The following MARCHF7 variants were observed in gnomAD, a reference collection of about 807,000 sequenced individuals.
MARCHF7 encodes the protein E3 ubiquitin-protein ligase MARCHF7.
A neutral mutation model predicts 76.5 loss-of-function variants in MARCHF7; 20 were observed. That is an observed-to-expected ratio of 0.26 (90% confidence interval 0.18 to 0.38). The LOEUF (loss-of-function observed/expected upper bound fraction) is 0.38, where lower values mean the gene tolerates loss of function less well. Ranked by LOEUF, MARCHF7 falls within the 10% of genes least tolerant of loss-of-function variation. MARCHF7 has a pLI of 1.00. For missense variants in MARCHF7, 797 were observed against 812.9 expected (o/e 0.98, Z 0.24); for synonymous variants, 295 against 293.0 (o/e 1.01, Z -0.07).
intron 9 of MARCHF7, among the ~76,000 whole-genome samples, chr2:159,760,326 G>A (rs1014971313): frequency 3.3e-5 from 5 of 152,040 alleles, no homozygotes; most frequent in African/African-American, 1.2e-4. Context: ...CTGTCTCTAA[G>A]GGATTCCCAG....
chr2:159,756,863 G>A (rs1706391136), intron 8 of MARCHF7, among the ~76,000 whole-genome samples: 1 of 151,770 alleles, frequency 6.6e-6, no homozygotes, highest in Non-Finnish European at 1.5e-5. Flanking sequence ...CCAGGCACAT[G>A]GTAAGTATGC....
At position 159,733,439 on chromosome 2, in the gene MARCHF7, T is replaced by A. The variant is rs1481043794; in HGVS notation, c.153+4264T>A. 59 of 734,612 alleles carry A rather than the reference T, an allele frequency of 8.0e-5. No individual in the cohort carries two copies. In the South Asian group the frequency reaches 2.7e-3, roughly 34 times the overall value. The allele number at this position is 734,612 out of a possible 1,614,324, so 45.5% of individuals were successfully genotyped here. On this transcript the variant is annotated intron_variant, in intron 4 of 11. Coordinates refer to ENST00000409175, the MANE Select transcript of MARCHF7 (RefSeq NM_001282805.2). ...TTTTTGTAGATGTGAAGTCTCACTG[T>A]ATTGACCAGGCTGGTCTCGAACTTA...
intron 3 of MARCHF7, among the ~76,000 whole-genome samples, chr2:159,727,400 A>T (rs1264128251): frequency 1.3e-5 from 2 of 152,224 alleles, no homozygotes; most frequent in East Asian, 3.9e-4. Flanking sequence ...ATCCTGGTTA[A>T]CATGGTGAAA....
chr2:159,735,478 C>T (rs1189396934), intron 4 of MARCHF7, among the ~76,000 whole-genome samples: 1 of 152,210 alleles, frequency 6.6e-6, no homozygotes, highest in Non-Finnish European at 1.5e-5. Context: ...TGCACTGCTC[C>T]TCTAGTCCCT....
intron 8 of MARCHF7, 31 bp from the exon 9 acceptor site, chr2:159,759,195 T>C: frequency 8.0e-7 from 1 of 1,243,708 alleles, no homozygotes; most frequent in Non-Finnish European, 1.2e-6. Context: ...ATTATAAAAC[T>C]AAGCTTTATT....
chr2:159,726,233 T>G (rs200447425), intron 3 of MARCHF7, among the ~76,000 whole-genome samples: 691 of 33,638 alleles, frequency 0.021, 15 homozygotes, highest in Middle Eastern at 0.012. Flanking sequence ...TGTTTTGTTT[T>G]GTTTTGTTTT....
rs4665111 is a variant in MARCHF7 at position 159,734,856 on chromosome 2, A to T, written c.153+5681A>T. Among the ~76,000 whole-genome samples, 1,467 of 151,096 alleles carry T rather than the reference A, an allele frequency of 9.7e-3. 34 individuals are homozygous for T. Among genetic ancestry groups the T allele is most frequent in the East Asian group, 0.04 (207 of 5,152 alleles). On this transcript the variant is annotated intron_variant, in intron 4 of 11. Coordinates refer to ENST00000409175, the MANE Select transcript of MARCHF7 (RefSeq NM_001282805.2). ...AAAAAAGCCAGGCATGGTAGCACAC[A>T]TCTTAGTCCCAGCTACTCAGGAGGC...
intron 3 of MARCHF7, among the ~76,000 whole-genome samples, chr2:159,725,379 CTGGTGTGAGA>C (rs1453481769): frequency 6.6e-6 from 1 of 152,188 alleles, no homozygotes; most frequent in Non-Finnish European, 1.5e-5. Context: ...GCCATTCTAA[CTGGTGTGAGA>C]TGGTGTCTCG....
At position 159,728,915 on chromosome 2, in the gene MARCHF7, T is replaced by A. The variant is rs537150275; in HGVS notation, c.-14-94T>A. 2.9e-5 allele frequency: 20 copies of A among 680,122 alleles called. No individual in the cohort carries two copies. The East Asian group carries it at 6.4e-4, about 22-fold the overall frequency. 42.1% of individuals were successfully genotyped at this position (680,122 alleles called of 1,614,324 possible). A position where few individuals can be genotyped will look rare whatever the true frequency, so the allele number is the denominator to read the frequency against. ...GTCAGATATGGTTAATTTGTATGGT[T>A]AATTTTTTATTTGAGCTGATGATTA... is the stretch of plus-strand genomic sequence containing the variant. On this transcript the variant is annotated intron_variant, in intron 3 of 11. Transcript: ENST00000409175.
chr2:159,745,996 A>G (rs1704831865), intron 6 of MARCHF7, 59 bp downstream of exon 6: 1 of 1,393,946 alleles, frequency 7.2e-7, no homozygotes, highest in Non-Finnish European at 9.9e-7. Flanking sequence ...CTCTTTATGC[A>G]TGTTACTAAA....
intron 7 of MARCHF7, among the ~76,000 whole-genome samples, chr2:159,751,581 A>G (rs1163347562): frequency 2.0e-5 from 3 of 152,196 alleles, no homozygotes; most frequent in African/African-American, 7.2e-5. Flanking sequence ...TGCTAAGTTC[A>G]TTTAGGAATC....
chr2:159,748,004 G>A lies in MARCHF7; in HGVS notation c.714G>A (p.Thr238=), dbSNP rs200191640. 1.7e-4 allele frequency: 278 copies of A among 1,613,942 alleles called. No individual in the cohort carries two copies. The highest frequency in any genetic ancestry group is 2.0e-4 in the Non-Finnish European group (234 of 1,180,000). The change falls in exon 7 of 12, where the codon ACG becomes ACA. Residue 238 remains threonine (T), a synonymous_variant. Coordinates refer to ENST00000409175, the MANE Select transcript of MARCHF7 (RefSeq NM_001282805.2). ...SRESESSRSN[T]QPGFSYSSSR... ...AATCAGAATCTTCCCGAAGCAATAC[G>A]CAGCCTGGATTTTCTTACAGTTCAA...
intron 3 of MARCHF7, among the ~76,000 whole-genome samples, chr2:159,723,856 T>C (rs1701891766): frequency 6.6e-6 from 1 of 151,862 alleles, no homozygotes; most frequent in Non-Finnish European, 1.5e-5. Flanking sequence ...CTCTACCACA[T>C]GCCAATGAGA....
intron 4 of MARCHF7, chr2:159,734,156 A>G (rs1703167187): frequency 1.9e-6 from 2 of 1,079,674 alleles, no homozygotes; most frequent in Non-Finnish European, 2.4e-6. Flanking sequence ...TTATTTGTGG[A>G]TATGTAATTT....
Position 159,770,358 on chromosome 2 carries a change from CTGT to C in MARCHF7, c.*3018_*3020del, listed in dbSNP as rs1708098558. The C allele has an allele frequency of 6.8e-6, 1 of 147,426 alleles. No homozygotes were observed. Among genetic ancestry groups the C allele is most frequent in the Non-Finnish European group, 1.5e-5 (1 of 67,956 alleles). 9.1% of individuals were successfully genotyped at this position (147,426 alleles called of 1,614,324 possible). On this transcript the variant is annotated 3_prime_UTR_variant, in exon 12 of 12. Coordinates refer to ENST00000409175, the MANE Select transcript of MARCHF7 (RefSeq NM_001282805.2). ...GCATTTTCAGTACCATGTAGCCGCA[CTGT>C]TAATAGTTTTCTATCACTTTTTAGT...
intron 8 of MARCHF7, among the ~76,000 whole-genome samples, chr2:159,756,305 A>G (rs1161905466): frequency 2.6e-5 from 4 of 152,196 alleles, no homozygotes; most frequent in Admixed American, 2.6e-4. Flanking sequence ...TTACTGGAAC[A>G]CTTAGCTAGC....
intron 3 of MARCHF7, among the ~76,000 whole-genome samples, chr2:159,727,248 G>A (rs1430544053): frequency 6.6e-6 from 1 of 152,212 alleles, no homozygotes; most frequent in Non-Finnish European, 1.5e-5. Context: ...CCACTTATAT[G>A]AGATACAGTC....
At position 159,748,638 on chromosome 2, in the gene MARCHF7, G is replaced by A; in HGVS notation, c.1348G>A (p.Ala450Thr). 1 of 1,614,180 alleles carries A rather than the reference G, an allele frequency of 6.2e-7. No individual in the cohort carries two copies. Among genetic ancestry groups the A allele is most frequent in the Non-Finnish European group, 8.5e-7 (1 of 1,180,034 alleles). Residue 450 changes from alanine to threonine, a missense_variant, in exon 7 of 12, where the codon GCA becomes ACA. Ala to Thr is a moderately conservative substitution (Grantham distance 58). Around this residue, in one of 3 missense-constraint regions of MARCHF7, gnomAD observed 643 missense variants for 631.5 expected, o/e 1.02. Transcript: ENST00000409175. ...PLGAAANRPQ[A>T]SAASSSATTG... ...TGGAGCTGCTGCCAACAGACCACAA[G>A]CATCTGCAGCATCAAGCAGTGCCAC...
chr2:159,764,255 T>TGCGC lies in MARCHF7; in HGVS notation c.2008-366_2008-363dup, dbSNP rs1553788076. Among the ~76,000 whole-genome samples, 863 of 131,452 alleles carry TGCGC rather than the reference T, an allele frequency of 6.6e-3. 2 individuals are homozygous for TGCGC. The highest frequency in any genetic ancestry group is 0.018 in the African/African-American group (594 of 32,892). The allele number at this position is 131,452 out of a possible 152,430, so 86.2% of individuals were successfully genotyped here. ...GTGTGTGTGTGTGTGTGTGTGTGTG[T>TGCGC]GCGCGCGCCCACTGAAACTGAATTT... is the stretch of plus-strand genomic sequence containing the variant. On this transcript the variant is annotated intron_variant, in intron 10 of 11. Coordinates refer to ENST00000409175, the MANE Select transcript of MARCHF7 (RefSeq NM_001282805.2).
Sources: gnomAD v4.1 joint callset for allele counts (sites outside exome capture counted in the v4.1 genomes callset) on GRCh38, gnomAD v4.1.1 for gene constraint, gnomAD v4.1.1 regional missense constraint, MANE v1.5 for transcripts, NCBI Gene and HGNC (gene_info 2026-07-23, HGNC 2026-07-21) for gene names.